DNASE1L3: variants seen among roughly 807,000 people sequenced by gnomAD.
DNASE1L3 encodes the protein deoxyribonuclease gamma.
In DNASE1L3, 27 loss-of-function variants were observed where a neutral mutation model predicts 30.9. That is an observed-to-expected ratio of 0.87 (90% CI 0.64 to 1.20). DNASE1L3 has a LOEUF of 1.20. DNASE1L3 is among the 50% of genes most tolerant of loss of function. The pLI is 0.00. For missense variants in DNASE1L3, 364 were observed against 378.2 expected, an observed-to-expected ratio of 0.96 and a Z score of 0.31; for synonymous variants, 135 against 138.0, an observed-to-expected ratio of 0.98 and a Z score of 0.15.
intron 2 of DNASE1L3, among the ~76,000 whole-genome samples, chr3:58,206,964 T>C (rs2097404369): frequency 6.6e-6 from 1 of 152,156 alleles, no homozygotes. Flanking sequence ...ATGCCTTCCC[T>C]ATGATGGATA....
intron 1 of DNASE1L3, among the ~76,000 whole-genome samples, chr3:58,209,864 C>T (rs1205581718): frequency 6.6e-6 from 1 of 152,210 alleles, no homozygotes; most frequent in African/African-American, 2.4e-5. Flanking sequence ...CTCAGGTTTC[C>T]TAAGGTAATA....
In DNASE1L3 at chr3:58,210,866, G is replaced by T. The variant is rs142751723; in HGVS notation, c.41C>A (p.Ser14Tyr). The T allele has an allele frequency of 4.8e-5, 77 of 1,614,010 alleles. No homozygotes were observed. The highest frequency in any genetic ancestry group is 6.1e-5 in the Non-Finnish European group (72 of 1,180,036). ...CCTCATGGCCAGGGCGCTGTGGATG[G>T]AGAGGAGGAGAAGCAGCAGTGGGGC... is the stretch of plus-strand genomic sequence containing the variant. ...ELAPLLLLLLSIHSALAMRIC... is the reference protein window; with the variant it reads ...ELAPLLLLLLYIHSALAMRIC... Residue 14 changes from serine to tyrosine, a missense_variant, in exon 1 of 8, where the codon TCC (serine) becomes TAC (tyrosine). Physicochemically the swap from Ser to Tyr is moderately radical, Grantham distance 144. Transcript: ENST00000394549.
In DNASE1L3 at chr3:58,207,450, C is replaced by G. The variant is rs1427295351; in HGVS notation, c.230+768G>C. On this transcript the variant is annotated intron_variant, in intron 2 of 7. Transcript: ENST00000394549. ...ACAGCTCTCTGATCACACCCCCCCC[C>G]CCCCCACCAGAAGTAACCACTATTA... is the stretch of plus-strand genomic sequence containing the variant. Among the ~76,000 whole-genome samples the G allele has an allele frequency of 5.4e-4, 42 of 77,876 alleles. 2 individuals carry two copies. Among genetic ancestry groups the G allele is most frequent in the Admixed American group, 2.7e-4 (2 of 7,410 alleles). The allele number at this position is 77,876 out of a possible 152,430, so 51.1% of individuals were successfully genotyped here. A position where few individuals can be genotyped will look rare whatever the true frequency, so the allele number is the denominator to read the frequency against.
intron 1 of DNASE1L3, among the ~76,000 whole-genome samples, chr3:58,209,664 A>C (rs2097406374): frequency 6.6e-6 from 1 of 152,178 alleles, no homozygotes; most frequent in South Asian, 2.1e-4. Flanking sequence ...ACCTTGCTGC[A>C]GGCTCTGCTG....
chr3:58,197,443 C>A lies in DNASE1L3; in HGVS notation c.704+378G>T, dbSNP rs1559755832. On this transcript the variant is annotated intron_variant, in intron 6 of 7. Transcript: ENST00000394549. The surrounding 1 kb of genome is among the most constrained non-coding windows in gnomAD (Gnocchi z 5.3). ...TCAGCTCTGCAAGCAGTGTGCTTTTCTTATTTTTATTTTTATTTTTTATTT... is the reference window on the plus strand; with the variant it reads ...TCAGCTCTGCAAGCAGTGTGCTTTTATTATTTTTATTTTTATTTTTTATTT... Among the ~76,000 whole-genome samples the A allele has an allele frequency of 1.3e-5, 2 of 152,006 alleles. No homozygotes were observed. The highest frequency in any genetic ancestry group is 2.9e-5 in the Non-Finnish European group (2 of 67,958).
chr3:58,208,179 G>C (rs1199634895), intron 2 of DNASE1L3, 39 bp downstream of exon 2: 1 of 1,599,158 alleles, frequency 6.3e-7, no homozygotes, highest in Admixed American at 1.7e-5. Flanking sequence ...CCTTGCACTT[G>C]ACCTTGAGCC....
chr3:58,210,736 T>C (rs914304656), intron 1 of DNASE1L3, 30 bp downstream of exon 1: 2 of 1,613,820 alleles, frequency 1.2e-6, no homozygotes, highest in Non-Finnish European at 1.7e-6. Context: ...GAGGGGTGTC[T>C]GGGATCCTCC....
At chr3:58,196,084 G>T (rs911012762) in intron 6 of DNASE1L3, among the ~76,000 whole-genome samples, 2 of 152,042 alleles carry the variant, frequency 1.3e-5, no homozygotes, top group Admixed American at 6.6e-5. Context: ...ACCTACCCAC[G>T]GGCACACAAC....
Position 58,193,428 on chromosome 3 carries a change from C to G in DNASE1L3, c.716G>C (p.Arg239Thr). The G allele has an allele frequency of 6.2e-7, 1 of 1,612,990 alleles. No individual in the cohort carries two copies. Among genetic ancestry groups the G allele is most frequent in the Non-Finnish European group, 8.5e-7 (1 of 1,179,068 alleles). The part of the protein sequence containing the change: ...TNCAYDRIVL[R>T]GQEIVSSVVP... ...AACAGAACTGACGATTTCTTGTCCT[C>G]TAAGCACAATCCTGGAACAAGGGGA... The change falls in exon 7 of 8, where the codon AGA becomes ACA. Residue 239 changes from arginine to threonine, a missense_variant. Arg to Thr is a moderately conservative substitution (Grantham distance 71). Coordinates refer to ENST00000394549, the MANE Select transcript of DNASE1L3 (RefSeq NM_004944.4).
chr3:58,208,400 G>A, intron 1 of DNASE1L3, 94 bp from the exon 2 acceptor site: 1 of 1,279,916 alleles, frequency 7.8e-7, no homozygotes, highest in South Asian at 1.3e-5. Context: ...GTATTGCACT[G>A]AGTGCTTATT....
intron 1 of DNASE1L3, among the ~76,000 whole-genome samples, chr3:58,210,206 AGAAGAAAGAAAAAG>A (rs145864774): frequency 0.32 from 46,720 of 148,188 alleles, 7,615 homozygotes; most frequent in Middle Eastern, 0.36. Context: ...AAAGACAGAA[AGAAGAAAGAAAAAG>A]GAAGAAAGAA....
rs150738321 is a variant in DNASE1L3, at chr3:58,199,749, T to G, written c.546+1248A>C. Among the ~76,000 whole-genome samples, 168 of 152,176 alleles carry G rather than the reference T, an allele frequency of 1.1e-3. 6 individuals are homozygous for G. In the East Asian group the frequency reaches 0.03, roughly 27 times the overall value. ...TGTTCACTTTTAGGCCACTGATGCC[T>G]CCCCACAGCCCAACACTCAATAGAT... On this transcript the variant is annotated intron_variant, in intron 5 of 7. Transcript: ENST00000394549.
chr3:58,199,910 G>T (rs1161805870), intron 5 of DNASE1L3, among the ~76,000 whole-genome samples: 1 of 152,154 alleles, frequency 6.6e-6, no homozygotes, highest in Admixed American at 6.5e-5. Flanking sequence ...GATGGACTAT[G>T]TTCACACTTT....
rs1354172275 is a variant in DNASE1L3, at chr3:58,197,689, G to A, written c.704+132C>T. ...GCTGGTCTCAAACTCCTGTACTCAAGCGATCCATCCATCGAGGCCTCCCAA... is the reference window on the plus strand; with the variant it reads ...GCTGGTCTCAAACTCCTGTACTCAAACGATCCATCCATCGAGGCCTCCCAA... On this transcript the variant is annotated intron_variant, in intron 6 of 7. Transcript: ENST00000394549. This position sits in a 1 kb window ranked among gnomAD's most constrained non-coding sequence, Gnocchi z 5.3. 2.4e-6 allele frequency: 3 copies of A among 1,224,648 alleles called. No individual in the cohort carries two copies. The highest frequency in any genetic ancestry group is 3.9e-5 in the Admixed American group (2 of 50,708). The allele number at this position is 1,224,648 out of a possible 1,614,324, so 75.9% of individuals were successfully genotyped here.
At chr3:58,196,759 C>A (rs1006819410) in intron 6 of DNASE1L3, among the ~76,000 whole-genome samples, 2 of 152,098 alleles carry the variant, frequency 1.3e-5, no homozygotes, top group African/African-American at 2.4e-5. Flanking sequence ...CTCAGGCACT[C>A]CCCCCTCTGT....
rs761980860 is a variant in DNASE1L3 at position 58,201,129 on chromosome 3, C to CG, written c.434-21dup. The CG allele has an allele frequency of 6.3e-7, 1 of 1,591,702 alleles. No individual in the cohort carries two copies. On this transcript the variant is annotated intron_variant, in intron 4 of 7. Transcript: ENST00000394549. ...TGACAGCTGAGAAACAGGAAAGAGGCGGGGGTCACACACTTCCCCTGTCAA... is the reference window on the plus strand; with the variant it reads ...TGACAGCTGAGAAACAGGAAAGAGGCGGGGGGTCACACACTTCCCCTGTCAA...
intron 4 of DNASE1L3, among the ~76,000 whole-genome samples, chr3:58,201,890 A>C (rs1048299281): frequency 6.6e-6 from 1 of 152,226 alleles, no homozygotes; most frequent in African/African-American, 2.4e-5. Flanking sequence ...GCTTGCTGAG[A>C]AAACTTTTTA....
chr3:58,206,550 GC>G (rs1274505451), intron 2 of DNASE1L3, among the ~76,000 whole-genome samples: 2 of 152,122 alleles, frequency 1.3e-5, no homozygotes, highest in African/African-American at 2.4e-5. Context: ...AGTGACTAAG[GC>G]CCATCCTGGC....
chr3:58,206,413 C>T (rs564560414), intron 2 of DNASE1L3, among the ~76,000 whole-genome samples: 26 of 152,304 alleles, frequency 1.7e-4, no homozygotes, highest in African/African-American at 5.5e-4. Context: ...GCAGACTTAG[C>T]CCCTGGGGCC....
Sources: allele counts gnomAD v4.1 joint callset (sites outside exome capture counted in the v4.1 genomes callset), GRCh38; gene constraint gnomAD v4.1.1; non-coding constraint Gnocchi (gnomAD v3.1); transcripts MANE v1.5; gene names NCBI Gene and HGNC (gene_info 2026-07-23, HGNC 2026-07-21).